Variants in CDH12 observed in about 807,000 individuals in gnomAD.
The protein encoded by CDH12 is cadherin 12.
Under a neutral mutation model 74.1 loss-of-function variants are expected in CDH12, and 41 were observed. That is an observed-to-expected ratio of 0.55 (90% CI 0.43 to 0.72). The LOEUF (loss-of-function observed/expected upper bound fraction) is 0.72, where lower values mean the gene tolerates loss of function less well. Ranked by LOEUF, CDH12 falls within the 30% of genes least tolerant of loss-of-function variation. The pLI is 0.00. For missense variants in CDH12, 945 were observed against 977.2 expected (o/e 0.97, Z 0.44); for synonymous variants, 399 against 355.0 (o/e 1.12, Z -1.39).
chr5:21,769,669 G>A (rs776501071), intron 11 of CDH12, among the ~76,000 whole-genome samples: 1 of 152,016 alleles, frequency 6.6e-6, no homozygotes, highest in Non-Finnish European at 1.5e-5. Context: ...TGCAACTTTT[G>A]ATAAACCCTG....
chr5:21,828,024 C>T (rs1748776080), intron 8 of CDH12, among the ~76,000 whole-genome samples: 1 of 151,926 alleles, frequency 6.6e-6, no homozygotes, highest in African/African-American at 2.4e-5. Context: ...GTGATACTGC[C>T]TAATAACTTT....
At chr5:22,626,246 C>T (rs72637728) in intron 1 of CDH12, among the ~76,000 whole-genome samples, 10,553 of 152,226 alleles carry the variant, frequency 0.069, 450 homozygotes, top group East Asian at 0.24. Flanking sequence ...GCTGACAGAG[C>T]GCACCCTGAT....
At chr5:22,307,347 G>A (rs748072682) in intron 3 of CDH12, among the ~76,000 whole-genome samples, 6 of 152,112 alleles carry the variant, frequency 3.9e-5, no homozygotes, top group Admixed American at 2.0e-4. Flanking sequence ...AGTACATGCC[G>A]TCTTTAAAAT....
intron 9 of CDH12, among the ~76,000 whole-genome samples, chr5:21,811,842 G>C (rs1747764878): frequency 6.6e-6 from 1 of 150,962 alleles, no homozygotes; most frequent in African/African-American, 2.4e-5. Flanking sequence ...GCTTCATAAT[G>C]TTCCTCTGAA....
intron 1 of CDH12, among the ~76,000 whole-genome samples, chr5:22,614,016 A>T (rs986557336): frequency 6.6e-6 from 1 of 152,128 alleles, no homozygotes; most frequent in Non-Finnish European, 1.5e-5. Flanking sequence ...TCTTCTTCAC[A>T]TATTTTGCTA....
intron 3 of CDH12, among the ~76,000 whole-genome samples, chr5:22,278,503 A>G (rs1318679214): frequency 6.6e-6 from 1 of 152,166 alleles, no homozygotes. Context: ...CTGCTGAAAG[A>G]GGAATAGGAG....
intron 3 of CDH12, among the ~76,000 whole-genome samples, chr5:22,361,941 A>G (rs1416200561): frequency 6.6e-6 from 1 of 152,232 alleles, no homozygotes; most frequent in East Asian, 1.9e-4. Context: ...AAGATGGATT[A>G]AAAACTTAAA....
rs571509624 is a variant in CDH12 at position 22,250,508 on chromosome 5, T to C, written c.-332-37865A>G. The stretch of plus-strand genomic sequence containing the variant: ...AGCCTTAGAAGTCACGCAGCATCAA[T>C]TTCGCCACATGCTATTTGTTAGATG... On this transcript the variant is annotated intron_variant, in intron 3 of 14. Transcript: ENST00000382254. Among the ~76,000 whole-genome samples the C allele has an allele frequency of 7.2e-5, 11 of 152,292 alleles. No homozygotes were observed. In the South Asian group the frequency reaches 1.5e-3, roughly 20 times the overall value.
At chr5:22,751,356 AT>A (rs1745566165) in intron 1 of CDH12, among the ~76,000 whole-genome samples, 3 of 148,398 alleles carry the variant, frequency 2.0e-5, no homozygotes, top group Non-Finnish European at 4.5e-5. Flanking sequence ...ATATATATAT[AT>A]AATATCTACA....
chr5:21,901,150 T>C (rs1753365690), intron 6 of CDH12, among the ~76,000 whole-genome samples: 1 of 152,218 alleles, frequency 6.6e-6, no homozygotes, highest in Admixed American at 6.5e-5. Flanking sequence ...ACATTTTCCA[T>C]TGTAAAATAT....
At chr5:22,738,254 A>G (rs1208102834) in intron 1 of CDH12, among the ~76,000 whole-genome samples, 1 of 152,024 alleles carries the variant, frequency 6.6e-6, no homozygotes, top group East Asian at 1.9e-4. Flanking sequence ...GGAATCATAA[A>G]GTCTATGGTA....
At chr5:21,768,302 A>T (rs1321651955) in intron 11 of CDH12, among the ~76,000 whole-genome samples, 1 of 151,800 alleles carries the variant, frequency 6.6e-6, no homozygotes, top group East Asian at 1.9e-4. Context: ...TACCTTCACA[A>T]TGCTTTGTTA....
intron 3 of CDH12, among the ~76,000 whole-genome samples, chr5:22,374,331 T>A (rs1053033335): frequency 2.0e-5 from 3 of 151,830 alleles, no homozygotes; most frequent in Non-Finnish European, 4.4e-5. Context: ...AGACTGGCCA[T>A]AACAAACACA....
At chr5:22,363,309 G>C (rs1233706861) in intron 3 of CDH12, among the ~76,000 whole-genome samples, 3 of 152,054 alleles carry the variant, frequency 2.0e-5, no homozygotes, top group African/African-American at 7.2e-5. Context: ...GTCTTTCTCA[G>C]CATATGTCTT....
At chr5:22,632,845 C>T (rs976086461) in intron 1 of CDH12, among the ~76,000 whole-genome samples, 3 of 151,290 alleles carry the variant, frequency 2.0e-5, no homozygotes, top group African/African-American at 7.3e-5. Context: ...AGGATAAACT[C>T]AAAGAGATCC....
intron 3 of CDH12, among the ~76,000 whole-genome samples, chr5:22,385,285 G>A (rs1280876487): frequency 6.6e-6 from 1 of 152,058 alleles, no homozygotes; most frequent in East Asian, 1.9e-4. Context: ...ATACTGTGCA[G>A]ACACAGATCT....
chr5:22,101,086 G>T (rs1440375967), intron 4 of CDH12, among the ~76,000 whole-genome samples: 3 of 151,594 alleles, frequency 2.0e-5, no homozygotes, highest in African/African-American at 7.3e-5. Flanking sequence ...GTAAAAATTT[G>T]CAAATGTGAC....
chr5:22,555,216 A>C (rs1187562400), intron 1 of CDH12, among the ~76,000 whole-genome samples: 3 of 152,074 alleles, frequency 2.0e-5, no homozygotes, highest in African/African-American at 7.2e-5. Flanking sequence ...CTATGATTGT[A>C]AATTAATATA....
intron 3 of CDH12, among the ~76,000 whole-genome samples, chr5:22,304,102 C>A (rs1326425633): frequency 6.6e-6 from 1 of 152,010 alleles, no homozygotes; most frequent in Non-Finnish European, 1.5e-5. Context: ...TATTACTCAG[C>A]ATGTTGATAA....
Sources: gnomAD v4.1 joint callset for allele counts (sites outside exome capture counted in the v4.1 genomes callset) on GRCh38, gnomAD v4.1.1 for gene constraint, MANE v1.5 for transcripts, NCBI Gene and HGNC (gene_info 2026-07-23, HGNC 2026-07-21) for gene names.